The following DTX1 variants were observed in gnomAD, a reference collection of about 807,000 sequenced individuals.
The protein encoded by DTX1 is E3 ubiquitin-protein ligase DTX1.
DTX1 carries 26 observed loss-of-function variants against 57.8 expected under a neutral mutation model. The ratio of observed to expected loss-of-function variants is 0.45; its 90% CI spans 0.33 to 0.62. The LOEUF (loss-of-function observed/expected upper bound fraction) is 0.62, where lower values mean the gene tolerates loss of function less well. Among genes scored for constraint, DTX1 ranks in the 20% least tolerant of loss-of-function variants. DTX1 has a pLI of 0.02. For synonymous variants in DTX1, 398 were observed against 394.1 expected (o/e 1.01, Z -0.12); for missense variants, 704 against 895.3 (o/e 0.79, Z 2.73).
At chr12:113,059,652 G>A (rs1463552358) in intron 2 of DTX1, among the ~76,000 whole-genome samples, 3 of 152,078 alleles carry the variant, frequency 2.0e-5, no homozygotes, top group African/African-American at 7.2e-5. Flanking sequence ...GAAATCCTTG[G>A]CATGTTTGAC....
intron 2 of DTX1, among the ~76,000 whole-genome samples, chr12:113,065,911 G>A (rs2044700674): frequency 6.6e-6 from 1 of 152,260 alleles, no homozygotes; most frequent in African/African-American, 2.4e-5. Context: ...CCAGTGTGAT[G>A]TTCTTGGTGC....
At chr12:113,063,451 C>T (rs2044679997) in intron 2 of DTX1, among the ~76,000 whole-genome samples, 1 of 152,244 alleles carries the variant, frequency 6.6e-6, no homozygotes, top group African/African-American at 2.4e-5. Flanking sequence ...AAGCTCCCAG[C>T]TCGCTCCCTG....
intron 6 of DTX1, 23 bp downstream of exon 6, chr12:113,094,122 G>A: frequency 2.1e-6 from 3 of 1,452,828 alleles, no homozygotes; most frequent in Non-Finnish European, 2.8e-6. Flanking sequence ...TGGGGGGGCT[G>A]GGGGAGGGCC....
Position 113,077,311 on chromosome 12 carries a change from G to A in DTX1, c.260-113G>A, listed in dbSNP as rs990406621. The stretch of plus-strand genomic sequence containing the variant: ...CCAAGTCTGGGTGGACCCCCTGGAG[G>A]CCTGTGCTGACCCCCCAACCTCCCG... On this transcript the variant is annotated intron_variant, in intron 2 of 9. Transcript: ENST00000548759. The surrounding 1 kb of genome is among the most constrained non-coding windows in gnomAD (Gnocchi z 7.8). 2.4e-6 allele frequency: 3 copies of A among 1,232,494 alleles called. No homozygotes were observed. The African/African-American group carries it at 4.6e-5, about 19-fold the overall frequency. 76.3% of individuals were successfully genotyped at this position (1,232,494 alleles called of 1,614,324 possible). A position where few individuals can be genotyped will look rare whatever the true frequency, so the allele number is the denominator to read the frequency against.
At chr12:113,075,621 G>C (rs1258359900) in intron 2 of DTX1, among the ~76,000 whole-genome samples, 1 of 152,204 alleles carries the variant, frequency 6.6e-6, no homozygotes, top group African/African-American at 2.4e-5. Flanking sequence ...AGGGGAGCAC[G>C]CAGAGCTTTG....
At chr12:113,096,642 G>T (rs1950298911) in intron 9 of DTX1, 73 bp from the exon 10 acceptor site, 5 of 1,425,918 alleles carry the variant, frequency 3.5e-6, no homozygotes, top group Non-Finnish European at 4.7e-6. Flanking sequence ...AGGGGAGGGA[G>T]GGAGGCTGAG....
chr12:113,097,138 TGAGAGGGCCAAGCA>T lies in DTX1; in HGVS notation c.*205_*218del. ...AGGCTGGCCCCGAATCATAGCTCCCTGAGAGGGCCAAGCAGAGAGTACTGGAAACCTCCCTACCA... is the reference window on the plus strand; with the variant it reads ...AGGCTGGCCCCGAATCATAGCTCCCTGAGAGTACTGGAAACCTCCCTACCA... On this transcript the variant is annotated 3_prime_UTR_variant, in exon 10 of 10. Transcript: ENST00000548759. The T allele has an allele frequency of 1.6e-6, 1 of 616,082 alleles. No homozygotes were observed. The highest frequency in any genetic ancestry group is 2.8e-6 in the Non-Finnish European group (1 of 356,744). The allele number at this position is 616,082 out of a possible 1,614,324, so 38.2% of individuals were successfully genotyped here. A position where few individuals can be genotyped will look rare whatever the true frequency, so the allele number is the denominator to read the frequency against.
chr12:113,077,939 T>C lies in DTX1; in HGVS notation c.775T>C (p.Trp259Arg). 2.8e-6 allele frequency: 3 copies of C among 1,083,290 alleles called. No homozygotes were observed. Among genetic ancestry groups the C allele is most frequent in the Non-Finnish European group, 3.4e-6 (3 of 894,484 alleles). The allele number at this position is 1,083,290 out of a possible 1,614,324, so 67.1% of individuals were successfully genotyped here. Residue 259 changes from tryptophan to arginine, a missense_variant, in exon 3 of 10, where the codon TGG (tryptophan) becomes CGG (arginine). Transcript: ENST00000548759. The surrounding 1 kb of genome is among the most constrained non-coding windows in gnomAD (Gnocchi z 7.8). The part of the protein sequence containing the change: ...PSATFTGAAL[W>R]AAPAAGPAEP... ...CGCCACCTTCACAGGCGCCGCGCTCTGGGCAGCGCCCGCCGCCGGCCCCGC... is the reference window on the plus strand; with the variant it reads ...CGCCACCTTCACAGGCGCCGCGCTCCGGGCAGCGCCCGCCGCCGGCCCCGC...
Position 113,093,324 on chromosome 12 carries a change from G to A in DTX1, c.1003+101G>A, listed in dbSNP as rs1427977615. ...GCCCCCGAGATGGGCTGGTGAGCGTGGCCCGGAGGAAACGCCCCCTTCCAC... is the reference window on the plus strand; with the variant it reads ...GCCCCCGAGATGGGCTGGTGAGCGTAGCCCGGAGGAAACGCCCCCTTCCAC... On this transcript the variant is annotated intron_variant, in intron 4 of 9. Coordinates refer to ENST00000548759, the MANE Select transcript of DTX1 (RefSeq NM_004416.3). This position sits in a 1 kb window ranked among gnomAD's most constrained non-coding sequence, Gnocchi z 4.2. 6.3e-5 allele frequency: 90 copies of A among 1,428,154 alleles called. No individual in the cohort carries two copies. The highest frequency in any genetic ancestry group is 7.9e-5 in the Non-Finnish European group (83 of 1,057,078). 88.5% of individuals were successfully genotyped at this position (1,428,154 alleles called of 1,614,324 possible).
Position 113,057,925 on chromosome 12 carries a change from C to G in DTX1, c.-268C>G. On this transcript the variant is annotated 5_prime_UTR_variant, in exon 2 of 10. Transcript: ENST00000548759. ...GGGGCCAAGGACTTTAGAGCTGTTT[C>G]CTCCGGCATAAGAGAGACACTTGCT... is the stretch of plus-strand genomic sequence containing the variant. The G allele has an allele frequency of 3.8e-6, 2 of 529,798 alleles. No homozygotes were observed. The allele number at this position is 529,798 out of a possible 1,614,324, so 32.8% of individuals were successfully genotyped here.
intron 2 of DTX1, among the ~76,000 whole-genome samples, chr12:113,065,880 T>C (rs1592842810): frequency 6.6e-6 from 1 of 151,982 alleles, no homozygotes; most frequent in Non-Finnish European, 1.5e-5. Flanking sequence ...GGCAATGGGG[T>C]TGAGGTCCCT....
At position 113,093,070 on chromosome 12, in the gene DTX1, G is replaced by A; in HGVS notation, c.942-92G>A. The A allele has an allele frequency of 2.3e-6, 3 of 1,323,274 alleles. No individual in the cohort carries two copies. The highest frequency in any genetic ancestry group is 2.5e-5 in the East Asian group (1 of 39,674). 82.0% of individuals were successfully genotyped at this position (1,323,274 alleles called of 1,614,324 possible). On this transcript the variant is annotated intron_variant, in intron 3 of 9. Transcript: ENST00000548759. The surrounding 1 kb of genome is among the most constrained non-coding windows in gnomAD (Gnocchi z 4.2). ...AGGTACAAAGAGGCCAGGGTGTGTGGCCCAGGAGCCAGAGACAGAAGGCAA... is the reference window on the plus strand; with the variant it reads ...AGGTACAAAGAGGCCAGGGTGTGTGACCCAGGAGCCAGAGACAGAAGGCAA...
intron 2 of DTX1, among the ~76,000 whole-genome samples, chr12:113,059,628 G>T (rs966912941): frequency 6.6e-6 from 1 of 152,094 alleles, no homozygotes; most frequent in African/African-American, 2.4e-5. Flanking sequence ...GTCCTGCCGT[G>T]CAGAAGCAGC....
In DTX1 at chr12:113,079,515, C is replaced by CTTTTTTTTT. The variant is rs3038193; in HGVS notation, c.941+1432_941+1440dup. The stretch of plus-strand genomic sequence containing the variant: ...TTCGAATCCCCTCTTGGCCACTTCT[C>CTTTTTTTTT]TTTTTTTTTTTTTTTTTTTTTTTTT... On this transcript the variant is annotated intron_variant, in intron 3 of 9. Transcript: ENST00000548759. Among the ~76,000 whole-genome samples the CTTTTTTTTT allele has an allele frequency of 1.4e-4, 11 of 77,178 alleles. No homozygotes were observed. In the South Asian group the frequency reaches 1.5e-3, roughly 10 times the overall value. The allele number at this position is 77,178 out of a possible 152,430, so 50.6% of individuals were successfully genotyped here. A position where few individuals can be genotyped will look rare whatever the true frequency, so the allele number is the denominator to read the frequency against.
At chr12:113,060,478 G>T (rs918586288) in intron 2 of DTX1, among the ~76,000 whole-genome samples, 4 of 152,218 alleles carry the variant, frequency 2.6e-5, no homozygotes, top group Non-Finnish European at 5.9e-5. Flanking sequence ...TGAAGAATGA[G>T]TGAGGGTGCC....
Position 113,095,237 on chromosome 12 carries a change from C to T in DTX1, c.1548+34C>T, listed in dbSNP as rs1189894465. On this transcript the variant is annotated intron_variant, in intron 8 of 9. Transcript: ENST00000548759. ...CCCTTCCGCCTCTCTGGCCCCCAGCCCCCACACCCCTCCAACTCCTCCAGA... is the reference window on the plus strand; with the variant it reads ...CCCTTCCGCCTCTCTGGCCCCCAGCTCCCACACCCCTCCAACTCCTCCAGA... The T allele has an allele frequency of 2.5e-6, 4 of 1,605,630 alleles. No individual in the cohort carries two copies. The East Asian group carries it at 6.7e-5, about 27-fold the overall frequency.
In DTX1 at chr12:113,094,870, C is replaced by T. The variant is rs1950275412; in HGVS notation, c.1309C>T (p.Leu437Phe). The change falls in exon 7 of 10, where the codon CTC becomes TTC. Residue 437 changes from leucine (L) to phenylalanine (F), a missense_variant. Transcript: ENST00000548759. ...VLRHKGVRPE[L>F]VGRLGRCGHM... is the part of the protein sequence containing the mutation. ...TCGGCACAAGGGCGTGCGGCCTGAG[C>T]TCGTGGGCCGCCTGGGCCGCTGTGG... 2 of 1,613,614 alleles carry T rather than the reference C, an allele frequency of 1.2e-6. No individual in the cohort carries two copies. Among genetic ancestry groups the T allele is most frequent in the Admixed American group, 1.7e-5 (1 of 59,998 alleles).
intron 2 of DTX1, among the ~76,000 whole-genome samples, chr12:113,063,593 A>C (rs1482632693): frequency 6.6e-6 from 1 of 152,238 alleles, no homozygotes; most frequent in Admixed American, 6.5e-5. Context: ...AGGCCGAGGG[A>C]TGCCAGCTGG....
At position 113,078,093 on chromosome 12, in the gene DTX1, C is replaced by T. The variant is rs894765160; in HGVS notation, c.929C>T (p.Ser310Phe). Residue 310 changes from serine to phenylalanine, a missense_variant, in exon 3 of 10, where the codon TCC becomes TTC. Transcript: ENST00000548759. ...QRTTSVSARA[S>F]IPPGVPALPV... The stretch of plus-strand genomic sequence containing the variant: ...ACCACCAGCGTGAGCGCGCGCGCCT[C>T]CATCCCGCCGGGGTAAGACGGGGCC... 5.0e-6 allele frequency: 7 copies of T among 1,393,728 alleles called. No individual in the cohort carries two copies. The African/African-American group carries it at 7.5e-5, about 15-fold the overall frequency. The allele number at this position is 1,393,728 out of a possible 1,614,324, so 86.3% of individuals were successfully genotyped here.
Sources: allele counts gnomAD v4.1 joint callset (sites outside exome capture counted in the v4.1 genomes callset), GRCh38; gene constraint gnomAD v4.1.1; non-coding constraint Gnocchi (gnomAD v3.1); transcripts MANE v1.5; gene names NCBI Gene and HGNC (gene_info 2026-07-23, HGNC 2026-07-21).